Variants in GRIN2A observed in about 807,000 individuals in gnomAD.
GRIN2A encodes glutamate receptor ionotropic, NMDA 2A.
A neutral mutation model predicts 113.4 loss-of-function variants in GRIN2A; 22 were observed. That is an observed-to-expected ratio of 0.19 (90% CI 0.14 to 0.28). The LOEUF (loss-of-function observed/expected upper bound fraction) is 0.28, where lower values mean the gene tolerates loss of function less well. Ranked by LOEUF, GRIN2A falls within the 10% of genes least tolerant of loss-of-function variation. The pLI is 1.00. For synonymous variants in GRIN2A, 827 were observed against 738.4 expected (o/e 1.12, Z -1.94); for missense variants, 1,502 against 1,887.0 (o/e 0.80, Z 3.78).
chr16:10,181,396 C>G (rs896059185), intron 1 of GRIN2A, among the ~76,000 whole-genome samples: 2 of 152,216 alleles, frequency 1.3e-5, no homozygotes, highest in African/African-American at 4.8e-5. Context: ...CCCTCCCTAG[C>G]CTTTCTACTG....
At chr16:10,034,709 T>C (rs1422595454) in intron 2 of GRIN2A, among the ~76,000 whole-genome samples, 3 of 152,132 alleles carry the variant, frequency 2.0e-5, no homozygotes, top group South Asian at 2.1e-4. Flanking sequence ...GGAGACTTAC[T>C]GGTCCTTGGC....
At chr16:10,057,326 G>A (rs950325383) in intron 2 of GRIN2A, among the ~76,000 whole-genome samples, 2 of 152,128 alleles carry the variant, frequency 1.3e-5, no homozygotes, top group Non-Finnish European at 2.9e-5. Context: ...GAACTTCAAG[G>A]TAAGTTCCCT....
chr16:10,174,809 C>T (rs546022231), intron 2 of GRIN2A, among the ~76,000 whole-genome samples: 3 of 151,038 alleles, frequency 2.0e-5, no homozygotes, highest in Non-Finnish European at 4.4e-5. Flanking sequence ...ATTGAAGAAA[C>T]CTTCCCAAAC....
At chr16:10,179,893 C>CCCCAAAAAAAAAAAAAACA in intron 2 of GRIN2A, 105 bp downstream of exon 2, 1 of 719,818 alleles carries the variant, frequency 1.4e-6, no homozygotes, top group Admixed American at 2.2e-5. Context: ...CCCCCACCCC[C>CCCCAAAAAAAAAAAAAACA]ACTTCACATC....
intron 4 of GRIN2A, among the ~76,000 whole-genome samples, chr16:9,890,601 G>A (rs960666989): frequency 2.6e-5 from 4 of 152,158 alleles, no homozygotes; most frequent in Admixed American, 6.5e-5. Flanking sequence ...CAGAGGGTTC[G>A]TTCATATGGC....
rs556656742 is a variant in GRIN2A at position 10,180,913 on chromosome 16, G to A, written c.-18-484C>T. ...GCGAACTACAGACCCCGCAGGGCGT[G>A]CGGAGGCGGCACCCAGACCCCGCGT... On this transcript the variant is annotated intron_variant, in intron 1 of 12. Coordinates refer to ENST00000330684, the MANE Select transcript of GRIN2A (RefSeq NM_001134407.3). The surrounding 1 kb of genome is among the most constrained non-coding windows in gnomAD (Gnocchi z 7.0). The A allele has an allele frequency of 1.3e-4, 24 of 190,890 alleles. 1 individual carries two copies. The South Asian group carries it at 2.5e-3, about 20-fold the overall frequency. The allele number at this position is 190,890 out of a possible 1,614,324, so 11.8% of individuals were successfully genotyped here.
intron 2 of GRIN2A, among the ~76,000 whole-genome samples, chr16:10,103,226 A>G (rs1016292156): frequency 7.2e-5 from 11 of 152,358 alleles, no homozygotes; most frequent in Non-Finnish European, 1.3e-4. Context: ...ACATCTAGTC[A>G]TGAGAAAGCT....
At chr16:9,926,425 T>A (rs2044465328) in intron 3 of GRIN2A, among the ~76,000 whole-genome samples, 1 of 152,226 alleles carries the variant, frequency 6.6e-6, no homozygotes, top group Admixed American at 6.5e-5. Flanking sequence ...TGATTTCACC[T>A]GCAGCTTTAA....
intron 8 of GRIN2A, among the ~76,000 whole-genome samples, chr16:9,830,003 G>C (rs1476213215): frequency 6.6e-6 from 1 of 152,210 alleles, no homozygotes; most frequent in East Asian, 1.9e-4. Flanking sequence ...AACATAAAGA[G>C]AGCCTGACAA....
intron 4 of GRIN2A, among the ~76,000 whole-genome samples, chr16:9,851,968 T>C (rs1220061113): frequency 1.3e-5 from 2 of 152,224 alleles, no homozygotes; most frequent in African/African-American, 2.4e-5. Flanking sequence ...ACCTGTAAAA[T>C]CATTCCTGCT....
chr16:9,825,100 C>T lies in GRIN2A; in HGVS notation c.2008-2676G>A, dbSNP rs77909164. ...CAATATCTGGAGTCAGAGGAACTCC[C>T]CTGGCTTCTCTGCAGGGTTCCCTTG... On this transcript the variant is annotated intron_variant, in intron 9 of 12. Transcript: ENST00000330684. Among the ~76,000 whole-genome samples the T allele has an allele frequency of 1.5e-3, 227 of 152,258 alleles. 2 individuals are homozygous for T. Among genetic ancestry groups the T allele is most frequent in the Middle Eastern group, 3.4e-3 (1 of 294 alleles).
At chr16:10,025,162 G>C (rs2046796303) in intron 2 of GRIN2A, among the ~76,000 whole-genome samples, 1 of 152,068 alleles carries the variant, frequency 6.6e-6, no homozygotes, top group East Asian at 1.9e-4. Flanking sequence ...GATGGGAGGG[G>C]CTAAGAAGAC....
intron 4 of GRIN2A, among the ~76,000 whole-genome samples, chr16:9,886,941 G>T (rs1208637981): frequency 1.3e-5 from 2 of 152,138 alleles, no homozygotes; most frequent in South Asian, 2.1e-4. Flanking sequence ...AGGTTGAAGT[G>T]CAGTGGTGCG....
chr16:9,940,838 T>C (rs1207806595), intron 2 of GRIN2A, among the ~76,000 whole-genome samples: 2 of 152,000 alleles, frequency 1.3e-5, no homozygotes, highest in African/African-American at 4.8e-5. Flanking sequence ...CCTATAAACC[T>C]CAGCAGTTGT....
chr16:10,018,669 C>T lies in GRIN2A; in HGVS notation c.415-80118G>A, dbSNP rs555109749. 3.6e-3 allele frequency among the ~76,000 whole-genome samples: 544 copies of T among 152,282 alleles called. 5 individuals are homozygous for T. Among genetic ancestry groups the T allele is most frequent in the Middle Eastern group, 6.8e-3 (2 of 294 alleles). ...CAGGGAGGTGATTGTCCTGGTGCCA[C>T]GGCACTCACAGCTGGGCATGCCTGC... On this transcript the variant is annotated intron_variant, in intron 2 of 12. Coordinates refer to ENST00000330684, the MANE Select transcript of GRIN2A (RefSeq NM_001134407.3).
rs77860634 is a variant in GRIN2A, at chr16:10,116,580, T to C, written c.414+63418A>G. ...TAGAGCAGATGCTAAAGCAAGAAAC[T>C]GGGGGGACATGGTTTAGTTGGAAGG... On this transcript the variant is annotated intron_variant, in intron 2 of 12. Transcript: ENST00000330684. Among the ~76,000 whole-genome samples the C allele has an allele frequency of 8.2e-3, 1,251 of 152,162 alleles. 21 individuals are homozygous for C. The highest frequency in any genetic ancestry group is 0.029 in the African/African-American group (1,201 of 41,510).
chr16:9,895,697 C>T (rs1362829088), intron 3 of GRIN2A, among the ~76,000 whole-genome samples: 1 of 152,176 alleles, frequency 6.6e-6, no homozygotes, highest in African/African-American at 2.4e-5. Flanking sequence ...CACCAATGGC[C>T]TTTACCTCAG....
chr16:10,060,226 C>G (rs1017943759), intron 2 of GRIN2A, among the ~76,000 whole-genome samples: 1 of 152,096 alleles, frequency 6.6e-6, no homozygotes, highest in Non-Finnish European at 1.5e-5. Context: ...CGGAGCAGAC[C>G]CGGGAACAAA....
At position 9,825,433 on chromosome 16, in the gene GRIN2A, T is replaced by C. The variant is rs546444896; in HGVS notation, c.2008-3009A>G. Among the ~76,000 whole-genome samples the C allele has an allele frequency of 2.6e-5, 4 of 152,142 alleles. No individual in the cohort carries two copies. The South Asian group carries it at 8.3e-4, about 32-fold the overall frequency. On this transcript the variant is annotated intron_variant, in intron 9 of 12. Transcript: ENST00000330684. ...TTTCTAATTTTTTTTCCATCCAATA[T>C]GGAGGCATGTCTGAAGGTCATCCAA...
Sources: allele counts gnomAD v4.1 joint callset (sites outside exome capture counted in the v4.1 genomes callset), GRCh38; gene constraint gnomAD v4.1.1; non-coding constraint Gnocchi (gnomAD v3.1); transcripts MANE v1.5; gene names NCBI Gene and HGNC (gene_info 2026-07-23, HGNC 2026-07-21).